The following IL1RAPL2 variants were observed in gnomAD, a reference collection of about 807,000 sequenced individuals.
IL1RAPL2 encodes the protein X-linked interleukin-1 receptor accessory protein-like 2.
Under a neutral mutation model 44.1 loss-of-function variants are expected in IL1RAPL2, and 3 were observed. The ratio of observed to expected loss-of-function variants is 0.07; its 90% CI spans 0.03 to 0.18. IL1RAPL2 has a LOEUF of 0.18. Ranked by LOEUF, IL1RAPL2 falls within the 10% of genes least tolerant of loss-of-function variation. The pLI is 1.00. For missense variants in IL1RAPL2, 391 were observed against 496.4 expected, an observed-to-expected ratio of 0.79 and a Z score of 2.02; for synonymous variants, 181 against 178.8, an observed-to-expected ratio of 1.01 and a Z score of -0.10.
intron 3 of IL1RAPL2, chrX:105,219,754 A>G (rs374296405): frequency 7.5e-6 from 9 of 1,198,582 alleles, no homozygotes; most frequent in Non-Finnish European, 1.0e-5. Context: ...GGGAGACACC[A>G]GCTCCTGGAG....
chrX:105,695,199 C>G (rs900717872), intron 6 of IL1RAPL2, among the ~76,000 whole-genome samples: 1 of 111,968 alleles, frequency 8.9e-6, no homozygotes, highest in Admixed American at 9.5e-5. Context: ...ATGTAAAAAA[C>G]TTATTCTAAT....
At chrX:104,836,614 G>T (rs1256285267) in intron 2 of IL1RAPL2, among the ~76,000 whole-genome samples, 1 of 110,512 alleles carries the variant, frequency 9.0e-6, no homozygotes, top group Non-Finnish European at 1.9e-5. Context: ...TGTTTAAACA[G>T]AAATAATGTA....
At chrX:105,485,201 A>G (rs1209603267) in intron 6 of IL1RAPL2, among the ~76,000 whole-genome samples, 1 of 111,857 alleles carries the variant, frequency 8.9e-6, no homozygotes, top group Non-Finnish European at 1.9e-5. Context: ...TACACTGAAT[A>G]TATGATTTGT....
chrX:104,708,973 T>C (rs910506913), intron 2 of IL1RAPL2, among the ~76,000 whole-genome samples: 12 of 111,424 alleles, frequency 1.1e-4, no homozygotes, highest in Non-Finnish European at 2.1e-4. Flanking sequence ...AAATTAAAAA[T>C]TTGTAAGATA....
intron 5 of IL1RAPL2, among the ~76,000 whole-genome samples, chrX:105,470,315 A>C (rs899264947): frequency 2.7e-5 from 3 of 112,081 alleles, no homozygotes; most frequent in African/African-American, 9.7e-5. Flanking sequence ...AACCTAAGCA[A>C]TAGAAAAGTT....
At chrX:105,376,493 C>A (rs1340136113) in intron 5 of IL1RAPL2, among the ~76,000 whole-genome samples, 1 of 111,859 alleles carries the variant, frequency 8.9e-6, no homozygotes, top group Non-Finnish European at 1.9e-5. Flanking sequence ...TGGCAGCTAC[C>A]TTACTCTGGA....
intron 5 of IL1RAPL2, among the ~76,000 whole-genome samples, chrX:105,464,550 C>T (rs1161901398): frequency 9.0e-6 from 1 of 111,206 alleles, no homozygotes; most frequent in African/African-American, 3.3e-5. Context: ...TAATATTAAA[C>T]GTTGAAATAA....
chrX:104,674,556 C>G (rs993673069), intron 2 of IL1RAPL2, among the ~76,000 whole-genome samples: 4 of 111,463 alleles, frequency 3.6e-5, no homozygotes, highest in Non-Finnish European at 1.9e-5. Flanking sequence ...GTCTAAAATT[C>G]TCTTTTTTTA....
intron 3 of IL1RAPL2, chrX:105,220,161 G>A: frequency 2.5e-6 from 3 of 1,211,590 alleles, no homozygotes; most frequent in East Asian, 5.9e-5. Flanking sequence ...CCTGCCTGTG[G>A]GCAAAGCGCA....
intron 2 of IL1RAPL2, among the ~76,000 whole-genome samples, chrX:104,889,847 A>G (rs768536572): frequency 9.0e-6 from 1 of 111,426 alleles, no homozygotes; most frequent in South Asian, 3.8e-4. Flanking sequence ...ATGTGCACAA[A>G]GTGCAGGTTT....
intron 2 of IL1RAPL2, among the ~76,000 whole-genome samples, chrX:105,158,128 C>T (rs1602983327): frequency 9.0e-6 from 1 of 111,321 alleles, no homozygotes; most frequent in Admixed American, 9.5e-5. Context: ...GATCACGAGG[C>T]GGGCGGATCA....
At chrX:105,403,049 A>G (rs186775869) in intron 5 of IL1RAPL2, among the ~76,000 whole-genome samples, 32 of 111,904 alleles carry the variant, frequency 2.9e-4, no homozygotes, top group African/African-American at 1.0e-3. Flanking sequence ...AGAGAATGGA[A>G]CCATTGTGTG....
chrX:105,363,312 T>C (rs1472830476), intron 5 of IL1RAPL2, among the ~76,000 whole-genome samples: 1 of 86,505 alleles, frequency 1.2e-5, no homozygotes, highest in Non-Finnish European at 2.1e-5. Context: ...ATATATAATA[T>C]ATATATATAT....
At chrX:105,717,276 C>T in intron 6 of IL1RAPL2, 91 bp from the exon 7 acceptor site, 1 of 855,472 alleles carries the variant, frequency 1.2e-6, no homozygotes, top group Non-Finnish European at 1.6e-6. Flanking sequence ...TGGGTCACCT[C>T]TGAGTTTTCC....
At chrX:105,496,899 T>C (rs370053106) in intron 6 of IL1RAPL2, among the ~76,000 whole-genome samples, 23 of 112,084 alleles carry the variant, frequency 2.1e-4, no homozygotes, top group Admixed American at 1.6e-3. Context: ...ATTAACCTAA[T>C]AATAGCCATT....
intron 2 of IL1RAPL2, among the ~76,000 whole-genome samples, chrX:105,032,100 G>A (rs777800796): frequency 1.8e-5 from 2 of 111,130 alleles, no homozygotes; most frequent in South Asian, 3.8e-4. Context: ...TATTGCATCT[G>A]TTTGATTCTT....
At chrX:105,709,156 A>G (rs761597545) in intron 6 of IL1RAPL2, among the ~76,000 whole-genome samples, 3 of 112,218 alleles carry the variant, frequency 2.7e-5, no homozygotes, top group East Asian at 2.8e-4. Flanking sequence ...AAGCAGGGTC[A>G]TAAGCCAAGA....
At chrX:104,940,223 G>A (rs767977945) in intron 2 of IL1RAPL2, among the ~76,000 whole-genome samples, 12 of 111,331 alleles carry the variant, frequency 1.1e-4, no homozygotes, top group Non-Finnish European at 1.7e-4. Flanking sequence ...GGATTATCCT[G>A]TTAAAGCTTC....
intron 5 of IL1RAPL2, among the ~76,000 whole-genome samples, chrX:105,345,376 G>T (rs975465460): frequency 9.0e-6 from 1 of 111,370 alleles, no homozygotes; most frequent in Non-Finnish European, 1.9e-5. Context: ...TTTTCCATCG[G>T]ATAGTTAAGC....
Sources: allele counts gnomAD v4.1 joint callset (sites outside exome capture counted in the v4.1 genomes callset), GRCh38; gene constraint gnomAD v4.1.1; transcripts MANE v1.5; gene names NCBI Gene and HGNC (gene_info 2026-07-23, HGNC 2026-07-21).